RRAGC: variants seen among roughly 807,000 people sequenced by gnomAD.
RRAGC encodes the protein ras-related GTP-binding protein C.
In RRAGC, 8 loss-of-function variants were observed where a neutral mutation model predicts 37.1. The observed-to-expected ratio is 0.22, with a 90% confidence interval of 0.13 to 0.39. The LOEUF (loss-of-function observed/expected upper bound fraction) is 0.39. Among genes scored for constraint, RRAGC ranks in the 10% least tolerant of loss-of-function variants. The probability of loss-of-function intolerance (pLI) is 1.00; values close to 1 mark genes in which losing one functional copy is unlikely to be tolerated. For missense variants in RRAGC, 342 were observed against 497.6 expected (o/e 0.69, Z 2.98); for synonymous variants, 190 against 181.1 (o/e 1.05, Z -0.39).
At position 38,859,531 on chromosome 1, in the gene RRAGC, G is replaced by T; in HGVS notation, c.116C>A (p.Ala39Glu). The T allele has an allele frequency of 7.8e-7, 1 of 1,289,788 alleles. No individual in the cohort carries two copies. The highest frequency in any genetic ancestry group is 1.1e-6 in the Non-Finnish European group (1 of 951,624). 79.9% of individuals were successfully genotyped at this position (1,289,788 alleles called of 1,614,324 possible). The change falls in exon 1 of 7, where the codon GCG (alanine) becomes GAG (glutamate). Residue 39 changes from alanine to glutamate, a missense_variant. Ala to Glu is a moderately radical substitution (Grantham distance 107). Transcript: ENST00000373001. ...CCCTGCCCCAACCCCTCCGCCCGCC[G>T]CCGCCGCCTCCTCTTCCTCCTCCTC... ...GVEEEEEEAA[A>E]AGGGVGAGAG...
At chr1:38,859,306 G>T in intron 1 of RRAGC, 104 bp downstream of exon 1, 1 of 1,063,384 alleles carries the variant, frequency 9.4e-7, no homozygotes, top group Non-Finnish European at 1.4e-6. Flanking sequence ...AGTGCGGAGG[G>T]ACGGAGCGCA....
rs1641923702 is a variant in RRAGC at position 38,839,479 on chromosome 1, T to C, written c.*74A>G. On this transcript the variant is annotated 3_prime_UTR_variant, in exon 7 of 7. Coordinates refer to ENST00000373001, the MANE Select transcript of RRAGC (RefSeq NM_022157.4). ...AGATTCCCACAAGCAGCAGCTCCCA[T>C]GTCCTGTAGCACGTGGCATCCGACC... is the stretch of plus-strand genomic sequence containing the variant. The C allele has an allele frequency of 3.3e-6, 5 of 1,531,276 alleles. No individual in the cohort carries two copies. The African/African-American group carries it at 4.1e-5, about 13-fold the overall frequency. The allele number at this position is 1,531,276 out of a possible 1,614,324, so 94.9% of individuals were successfully genotyped here. A position where few individuals can be genotyped will look rare whatever the true frequency, so the allele number is the denominator to read the frequency against.
intron 6 of RRAGC, among the ~76,000 whole-genome samples, chr1:38,842,145 G>A (rs902759766): frequency 5.3e-5 from 8 of 152,170 alleles, no homozygotes; most frequent in South Asian, 4.1e-4. Context: ...GCAGGCGGGC[G>A]CCTGTAGTCC....
In RRAGC at chr1:38,852,331, G is replaced by T. The variant is rs754745499; in HGVS notation, c.756+43C>A. The T allele has an allele frequency of 4.8e-6, 5 of 1,034,880 alleles. No individual in the cohort carries two copies. In the Admixed American group the frequency reaches 7.3e-5, roughly 15 times the overall value. The allele number at this position is 1,034,880 out of a possible 1,614,324, so 64.1% of individuals were successfully genotyped here. ...AAACACAAATATATTCCCAAAAATGGAATCAGAAGCTGCAGTGAATTAAAT... is the reference window on the plus strand; with the variant it reads ...AAACACAAATATATTCCCAAAAATGTAATCAGAAGCTGCAGTGAATTAAAT... On this transcript the variant is annotated intron_variant, in intron 4 of 6. Transcript: ENST00000373001.
intron 6 of RRAGC, among the ~76,000 whole-genome samples, chr1:38,842,006 C>T (rs747247155): frequency 1.9e-4 from 29 of 151,916 alleles, no homozygotes; most frequent in Admixed American, 3.9e-4. Context: ...GGCGTGGTGG[C>T]GGGTGCCTGT....
chr1:38,843,147 G>C (rs977211192), intron 6 of RRAGC, among the ~76,000 whole-genome samples: 2 of 152,060 alleles, frequency 1.3e-5, no homozygotes, highest in Non-Finnish European at 2.9e-5. Flanking sequence ...CTGGGCAAGA[G>C]AGAGAGATCC....
chr1:38,842,266 T>C (rs1248988003), intron 6 of RRAGC, among the ~76,000 whole-genome samples: 1 of 152,072 alleles, frequency 6.6e-6, no homozygotes, highest in African/African-American at 2.4e-5. Context: ...AGCGAGACTC[T>C]ATCTCAAAAA....
chr1:38,847,570 T>C (rs1206701247), intron 5 of RRAGC: 1 of 152,168 alleles, frequency 6.6e-6, no homozygotes, highest in Non-Finnish European at 1.5e-5. Flanking sequence ...ATTTTTTTTT[T>C]CATGAAGTGG....
chr1:38,839,462 A>C lies in RRAGC; in HGVS notation c.*91T>G, dbSNP rs1349226170. 9.8e-6 allele frequency: 14 copies of C among 1,427,470 alleles called. No individual in the cohort carries two copies. Among genetic ancestry groups the C allele is most frequent in the Non-Finnish European group, 1.3e-5 (14 of 1,049,846 alleles). The allele number at this position is 1,427,470 out of a possible 1,614,324, so 88.4% of individuals were successfully genotyped here. On this transcript the variant is annotated 3_prime_UTR_variant, in exon 7 of 7. Coordinates refer to ENST00000373001, the MANE Select transcript of RRAGC (RefSeq NM_022157.4). ...CTAGTGGAACAGGCACCAGATTCCCACAAGCAGCAGCTCCCATGTCCTGTA... is the reference window on the plus strand; with the variant it reads ...CTAGTGGAACAGGCACCAGATTCCCCCAAGCAGCAGCTCCCATGTCCTGTA...
intron 5 of RRAGC, among the ~76,000 whole-genome samples, chr1:38,851,054 T>C (rs1049862956): frequency 6.6e-6 from 1 of 152,240 alleles, no homozygotes; most frequent in Non-Finnish European, 1.5e-5. Flanking sequence ...GCTGGCTGGC[T>C]TTCATAAATT....
chr1:38,843,690 A>G (rs1641993046), intron 6 of RRAGC, among the ~76,000 whole-genome samples: 1 of 151,458 alleles, frequency 6.6e-6, no homozygotes, highest in Non-Finnish European at 1.5e-5. Flanking sequence ...ACTGCACTCC[A>G]GCCTAGGCAA....
intron 1 of RRAGC, among the ~76,000 whole-genome samples, 162 bp downstream of exon 1, chr1:38,859,248 G>A (rs957402481): frequency 6.6e-5 from 10 of 152,258 alleles, no homozygotes; most frequent in African/African-American, 2.4e-4. Context: ...ACAGAGGTCG[G>A]GGTCCCCGCG....
chr1:38,859,401 C>T lies in RRAGC; in HGVS notation c.237+9G>A, dbSNP rs1421672014. 1.3e-6 allele frequency: 2 copies of T among 1,547,320 alleles called. No homozygotes were observed. The highest frequency in any genetic ancestry group is 2.0e-5 in the Admixed American group (1 of 50,986). On this transcript the variant is annotated intron_variant, in intron 1 of 6. Coordinates refer to ENST00000373001, the MANE Select transcript of RRAGC (RefSeq NM_022157.4). ...GAGGGGGCGGGGGACTGGGCGCAGC[C>T]CTGCTCACCTTCTGGATGGAGGACT...
chr1:38,849,670 A>G lies in RRAGC; in HGVS notation c.899+1945T>C, dbSNP rs747368529. On this transcript the variant is annotated intron_variant, in intron 5 of 6. Coordinates refer to ENST00000373001, the MANE Select transcript of RRAGC (RefSeq NM_022157.4). Reference sequence around the variant, plus strand: ...ACCACTGCACTCCAGCCTGGGCGACAAGAGTGAGACTCTGTCTCAAAAAAA... The same window carrying G: ...ACCACTGCACTCCAGCCTGGGCGACGAGAGTGAGACTCTGTCTCAAAAAAA... Among the ~76,000 whole-genome samples the G allele has an allele frequency of 3.9e-4, 60 of 152,118 alleles. 1 individual carries two copies. The highest frequency in any genetic ancestry group is 5.9e-5 in the Non-Finnish European group (4 of 68,004).
At chr1:38,845,019 T>G (rs1162242044) in intron 6 of RRAGC, among the ~76,000 whole-genome samples, 2 of 152,220 alleles carry the variant, frequency 1.3e-5, no homozygotes, top group East Asian at 3.8e-4. Flanking sequence ...ACTTTTACAC[T>G]GTTGGTAGCA....
intron 1 of RRAGC, 88 bp downstream of exon 1, chr1:38,859,322 G>A (rs904516219): frequency 4.9e-6 from 6 of 1,230,030 alleles, no homozygotes; most frequent in Admixed American, 2.3e-5. Context: ...GCGCAGGCGG[G>A]CCCCGGCCGC....
chr1:38,852,457 T>C lies in RRAGC; in HGVS notation c.673A>G (p.Ile225Val), dbSNP rs1642112484. The C allele has an allele frequency of 1.2e-6, 2 of 1,605,438 alleles. No individual in the cohort carries two copies. The highest frequency in any genetic ancestry group is 1.3e-5 in the African/African-American group (1 of 74,754). Reference sequence around the variant, plus strand: ...ACCACCTTACTAAAGGCTTCAAATATTGAATGGTCATAGATACTAGTCAGA... The same window carrying C: ...ACCACCTTACTAAAGGCTTCAAATACTGAATGGTCATAGATACTAGTCAGA... The part of the protein sequence containing the change: ...FYLTSIYDHS[I>V]FEAFSKVVQK... The change falls in exon 4 of 7, where the codon ATA becomes GTA. Residue 225 changes from isoleucine (I) to valine (V), a missense_variant. Physicochemically the swap from Ile to Val is conservative, Grantham distance 29. This residue lies in a region of RRAGC where 134 missense variants were observed against 277.2 expected (regional missense o/e 0.48). Coordinates refer to ENST00000373001, the MANE Select transcript of RRAGC (RefSeq NM_022157.4).
chr1:38,840,956 A>T (rs1402764905), intron 6 of RRAGC, among the ~76,000 whole-genome samples: 2 of 152,254 alleles, frequency 1.3e-5, no homozygotes, highest in Non-Finnish European at 2.9e-5. Context: ...GATATTTGAT[A>T]TCATTAAGTC....
At chr1:38,856,069 A>G (rs1222551095) in intron 2 of RRAGC, among the ~76,000 whole-genome samples, 162 bp from the exon 3 acceptor site, 1 of 152,194 alleles carries the variant, frequency 6.6e-6, no homozygotes, top group African/African-American at 2.4e-5. Flanking sequence ...TAACTCTTCA[A>G]TTGTCTCAAG....
Sources: gnomAD v4.1 joint callset for allele counts (sites outside exome capture counted in the v4.1 genomes callset) on GRCh38, gnomAD v4.1.1 for gene constraint, gnomAD v4.1.1 regional missense constraint, MANE v1.5 for transcripts, NCBI Gene and HGNC (gene_info 2026-07-23, HGNC 2026-07-21) for gene names.